The following TJP1 variants were observed in gnomAD, a reference collection of about 807,000 sequenced individuals.
The protein encoded by TJP1 is tight junction protein ZO-1.
A neutral mutation model predicts 194.2 loss-of-function variants in TJP1; 43 were observed. That is an observed-to-expected ratio of 0.22 (90% confidence interval 0.17 to 0.29). TJP1 has a LOEUF of 0.29. TJP1 is among the 10% of genes least tolerant of loss of function. The pLI is 1.00. For missense variants in TJP1, 1,971 were observed against 2,185.7 expected (o/e 0.90, Z 1.96); for synonymous variants, 801 against 779.0 (o/e 1.03, Z -0.47).
chr15:29,833,525 C>G (rs1231860855), intron 2 of TJP1, among the ~76,000 whole-genome samples: 1 of 151,694 alleles, frequency 6.6e-6, no homozygotes, highest in African/African-American at 2.4e-5. Flanking sequence ...TCCCGAGTAG[C>G]TGAAATTACA....
Position 29,924,874 on chromosome 15 carries a change from C to T in TJP1, c.306+31358G>A, listed in dbSNP as rs528259567. Reference sequence around the variant, plus strand: ...GGAATGCTGGTAGGGGCTAGGCCCACGGGGCAGCTCTGACTCCTCCCCATA... The same window carrying T: ...GGAATGCTGGTAGGGGCTAGGCCCATGGGGCAGCTCTGACTCCTCCCCATA... On this transcript the variant is annotated intron_variant, in intron 2 of 28. Transcript: ENST00000356107. 4.0e-4 allele frequency among the ~76,000 whole-genome samples: 61 copies of T among 152,330 alleles called. No individual in the cohort carries two copies. In the South Asian group the frequency reaches 7.3e-3, roughly 18 times the overall value.
intron 8 of TJP1, among the ~76,000 whole-genome samples, chr15:29,749,311 T>C (rs1304342687): frequency 1.3e-5 from 2 of 152,216 alleles, no homozygotes; most frequent in Non-Finnish European, 2.9e-5. Context: ...ACGGACTCAC[T>C]GTTAAGCAGA....
intron 1 of TJP1, among the ~76,000 whole-genome samples, chr15:29,813,388 C>G (rs1406320827): frequency 6.6e-6 from 1 of 152,092 alleles, no homozygotes; most frequent in East Asian, 1.9e-4. Flanking sequence ...CAATATTTTT[C>G]TCCAAAAAGC....
intron 2 of TJP1, among the ~76,000 whole-genome samples, chr15:29,854,523 G>A (rs1369938300): frequency 6.6e-6 from 1 of 152,156 alleles, no homozygotes; most frequent in Non-Finnish European, 1.5e-5. Context: ...CACACGTCCA[G>A]GAATGCCAGG....
intron 25 of TJP1, among the ~76,000 whole-genome samples, chr15:29,706,617 C>T (rs1401272018): frequency 6.6e-6 from 1 of 152,142 alleles, no homozygotes; most frequent in Non-Finnish European, 1.5e-5. Context: ...GAAATTGGAA[C>T]TTTAAAACTG....
upstream of TJP1, among the ~76,000 whole-genome samples, chr15:29,826,748 C>T (rs1422563123): frequency 6.6e-6 from 1 of 152,158 alleles, no homozygotes; most frequent in Non-Finnish European, 1.5e-5. Flanking sequence ...TCAGGGCTCC[C>T]CAGGCTACCT....
At chr15:29,945,420 G>A (rs988509496) in intron 2 of TJP1, among the ~76,000 whole-genome samples, 1 of 152,196 alleles carries the variant, frequency 6.6e-6, no homozygotes, top group African/African-American at 2.4e-5. Context: ...TTATCGAGAA[G>A]CTGAAACTGC....
At chr15:29,965,781 AT>A (rs1468192116) in intron 1 of TJP1, among the ~76,000 whole-genome samples, 2 of 152,224 alleles carry the variant, frequency 1.3e-5, no homozygotes, top group African/African-American at 4.8e-5. Flanking sequence ...AATATGAAGT[AT>A]TCTACATCTC....
intron 2 of TJP1, among the ~76,000 whole-genome samples, chr15:29,938,099 A>T (rs1256328301): frequency 6.6e-6 from 1 of 152,228 alleles, no homozygotes; most frequent in Admixed American, 6.5e-5. Context: ...TTTATGTGGA[A>T]GCCTAAGGTT....
chr15:29,797,212 G>A (rs1348091206), intron 2 of TJP1, among the ~76,000 whole-genome samples: 5 of 152,126 alleles, frequency 3.3e-5, no homozygotes, highest in Admixed American at 2.6e-4. Flanking sequence ...GCAGTGGCAC[G>A]ATGTCAGGGT....
chr15:29,821,400 T>C (rs554047805), intron 1 of TJP1: 30 of 152,330 alleles, frequency 2.0e-4, no homozygotes, highest in African/African-American at 6.7e-4. Context: ...GTTAAAGAGG[T>C]TATTTTCAAA....
intron 2 of TJP1, among the ~76,000 whole-genome samples, chr15:29,775,894 A>T (rs148674636): frequency 1.3e-5 from 2 of 152,294 alleles, no homozygotes; most frequent in East Asian, 3.9e-4. Context: ...AGCAAAATTT[A>T]TGAGGGAATT....
At chr15:29,958,218 T>C (rs929216463) in intron 1 of TJP1, among the ~76,000 whole-genome samples, 1 of 152,156 alleles carries the variant, frequency 6.6e-6, no homozygotes, top group Non-Finnish European at 1.5e-5. Context: ...CCCATCTACA[T>C]TTTTATATTA....
intron 2 of TJP1, among the ~76,000 whole-genome samples, chr15:29,852,523 C>T (rs142156472): frequency 2.0e-5 from 3 of 152,164 alleles, no homozygotes; most frequent in Admixed American, 2.0e-4. Context: ...TATAGTACAG[C>T]CACTCTGGAA....
intron 2 of TJP1, among the ~76,000 whole-genome samples, chr15:29,895,964 G>A (rs953790099): frequency 9.9e-5 from 15 of 152,144 alleles, no homozygotes; most frequent in Non-Finnish European, 1.8e-4. Context: ...CTGTCCTCAC[G>A]TGATGTAAGG....
intron 2 of TJP1, among the ~76,000 whole-genome samples, chr15:29,949,724 GCCAT>G (rs1567226066): frequency 7.8e-4 from 13 of 16,618 alleles, no homozygotes; most frequent in Non-Finnish European, 1.2e-3. Flanking sequence ...CACCTCCACC[GCCAT>G]CACCTCCACC....
intron 1 of TJP1, among the ~76,000 whole-genome samples, chr15:29,811,412 G>A (rs1030572089): frequency 2.1e-5 from 3 of 142,084 alleles, no homozygotes; most frequent in Non-Finnish European, 4.6e-5. Flanking sequence ...GGAATCCAGA[G>A]GGAGGATTAC....
intron 1 of TJP1, chr15:29,820,600 G>A: frequency 2.8e-6 from 2 of 716,142 alleles, no homozygotes; most frequent in Non-Finnish European, 5.2e-6. Context: ...GTGTTGTCTT[G>A]CATATTAAGT....
Position 29,718,912 on chromosome 15 carries a change from C to A in TJP1, c.3230G>T (p.Arg1077Leu), listed in dbSNP as rs140507225. The change falls in exon 21 of 28, where the codon CGT becomes CTT. Residue 1077 changes from arginine (R) to leucine (L), a missense_variant. By Grantham distance (102) the Arg-to-Leu change is moderately radical. Transcript: ENST00000614355. ...GGGGACGCGATCTTCGTATCGCAGA[C>A]GATGTTCATAGTTTCGAGAAAACTG... The part of the protein sequence containing the change: ...TDQFSRNYEH[R>L]LRYEDRVPMY... The A allele has an allele frequency of 3.1e-6, 5 of 1,613,968 alleles. No homozygotes were observed. The African/African-American group carries it at 6.7e-5, about 22-fold the overall frequency.
Sources: gnomAD v4.1 joint callset for allele counts (sites outside exome capture counted in the v4.1 genomes callset) on GRCh38, gnomAD v4.1.1 for gene constraint, MANE v1.5 for transcripts, NCBI Gene and HGNC (gene_info 2026-07-23, HGNC 2026-07-21) for gene names.